The following PAWR variants were observed in gnomAD, a reference collection of about 807,000 sequenced individuals.
The protein encoded by PAWR is pro-apoptotic WT1 regulator.
Under a neutral mutation model 32.0 loss-of-function variants are expected in PAWR, and 23 were observed. That is an observed-to-expected ratio of 0.72 (90% confidence interval 0.52 to 1.02). The LOEUF is 1.02. Ranked by LOEUF, PAWR falls within the 50% of genes least tolerant of loss-of-function variation. PAWR has a pLI of 0.00. For synonymous variants in PAWR, 226 were observed against 187.1 expected, an observed-to-expected ratio of 1.21 and a Z score of -1.70; for missense variants, 457 against 437.7, an observed-to-expected ratio of 1.04 and a Z score of -0.39.
chr12:79,637,263 T>C (rs1730826822), intron 2 of PAWR, among the ~76,000 whole-genome samples: 1 of 152,142 alleles, frequency 6.6e-6, no homozygotes, highest in Non-Finnish European at 1.5e-5. Context: ...CTTTCCAAAA[T>C]GAGTTACTAT....
In PAWR at chr12:79,590,328, A is replaced by C. The variant is rs1333766961; in HGVS notation, c.*2279T>G. ...GCGATTCTCCTGCCTCAGCCTCCTG[A>C]GTAGCCAGGATTACAGGCATGCGCC... On this transcript the variant is annotated 3_prime_UTR_variant, in exon 7 of 7. Transcript: ENST00000328827. 3 of 151,230 alleles carry C rather than the reference A, an allele frequency of 2.0e-5. No homozygotes were observed. The highest frequency in any genetic ancestry group is 4.4e-5 in the Non-Finnish European group (3 of 68,038). The allele number at this position is 151,230 out of a possible 1,614,324, so 9.4% of individuals were successfully genotyped here.
chr12:79,596,934 T>G (rs573101863), intron 4 of PAWR: 29 of 331,910 alleles, frequency 8.7e-5, no homozygotes, highest in African/African-American at 5.3e-4. Flanking sequence ...AAACATGGAC[T>G]CTGCCCTTCA....
chr12:79,662,248 G>A (rs2136825853), intron 2 of PAWR, among the ~76,000 whole-genome samples: 2 of 139,262 alleles, frequency 1.4e-5, no homozygotes, highest in African/African-American at 5.4e-5. Flanking sequence ...AAAAGATCCA[G>A]AACTTTCAGG....
At chr12:79,622,015 TAAAC>T (rs1457155158) in intron 2 of PAWR, among the ~76,000 whole-genome samples, 4 of 149,680 alleles carry the variant, frequency 2.7e-5, no homozygotes, top group Admixed American at 6.6e-5. Flanking sequence ...CAAAAACAAA[TAAAC>T]AAACAAAAAC....
chr12:79,645,498 G>C (rs2136783918), intron 2 of PAWR, among the ~76,000 whole-genome samples: 1 of 152,120 alleles, frequency 6.6e-6, no homozygotes, highest in Admixed American at 6.5e-5. Context: ...GCTGTGTAAG[G>C]GCTAGTATAC....
chr12:79,593,790 C>T (rs1245624338), intron 6 of PAWR, among the ~76,000 whole-genome samples: 2 of 149,668 alleles, frequency 1.3e-5, no homozygotes, highest in African/African-American at 4.9e-5. Context: ...GCAACCTCCG[C>T]CTCCTGGGAT....
At chr12:79,653,447 T>C (rs1272414920) in intron 2 of PAWR, among the ~76,000 whole-genome samples, 2 of 152,182 alleles carry the variant, frequency 1.3e-5, no homozygotes, top group East Asian at 3.9e-4. Flanking sequence ...AATTTCAATT[T>C]TCTTAAATAT....
intron 4 of PAWR, among the ~76,000 whole-genome samples, chr12:79,603,158 G>A (rs1179791354): frequency 6.6e-6 from 1 of 152,032 alleles, no homozygotes; most frequent in Non-Finnish European, 1.5e-5. Flanking sequence ...GGGAGGCTGT[G>A]GTAGGAGGAT....
intron 2 of PAWR, among the ~76,000 whole-genome samples, chr12:79,632,332 T>TTTTTTTTTTTTTTTAGAC (rs1875709192): frequency 4.1e-5 from 2 of 48,774 alleles, no homozygotes; most frequent in Non-Finnish European, 6.1e-5. Context: ...TATATATATA[T>TTTTTTTTTTTTTTTAGAC]ATATATATAT....
intron 2 of PAWR, among the ~76,000 whole-genome samples, chr12:79,673,975 T>C (rs1378730985): frequency 6.6e-6 from 1 of 152,094 alleles, no homozygotes; most frequent in Non-Finnish European, 1.5e-5. Flanking sequence ...ATGGCCACCC[T>C]ACCCAAAGCA....
At chr12:79,597,242 T>G (rs540228828) in intron 4 of PAWR, among the ~76,000 whole-genome samples, 1 of 152,054 alleles carries the variant, frequency 6.6e-6, no homozygotes, top group Admixed American at 6.5e-5. Context: ...TTGTATTTCT[T>G]TTTTCAGAGA....
chr12:79,639,273 C>T (rs1256341971), intron 2 of PAWR, among the ~76,000 whole-genome samples: 1 of 152,020 alleles, frequency 6.6e-6, no homozygotes, highest in Admixed American at 6.6e-5. Flanking sequence ...TTATTTTTAT[C>T]ATTATAAGTT....
At chr12:79,621,779 G>T (rs7305134) in intron 2 of PAWR, among the ~76,000 whole-genome samples, 29,843 of 152,062 alleles carry the variant, frequency 0.2, 7,758 homozygotes, top group African/African-American at 0.59. Flanking sequence ...AATTACACAT[G>T]TAACAGCATA....
chr12:79,607,546 C>G (rs1471562264), intron 4 of PAWR, among the ~76,000 whole-genome samples: 1 of 151,658 alleles, frequency 6.6e-6, no homozygotes, highest in African/African-American at 2.4e-5. Context: ...CTGGGCAACA[C>G]AGAAAAACCC....
chr12:79,637,064 A>G (rs973452351), intron 2 of PAWR, among the ~76,000 whole-genome samples: 4 of 152,232 alleles, frequency 2.6e-5, no homozygotes, highest in African/African-American at 9.6e-5. Flanking sequence ...AACTGCATTT[A>G]TGTACAATAA....
In PAWR at chr12:79,657,655, G is replaced by A. The variant is rs1352537425; in HGVS notation, c.516+32074C>T. ...AAACACACAAAAAAATTAGCTGGGC[G>A]TGGTGGCGGGCGCATGTAGTCCCAG... On this transcript the variant is annotated intron_variant, in intron 2 of 6. Coordinates refer to ENST00000328827, the MANE Select transcript of PAWR (RefSeq NM_002583.4). Among the ~76,000 whole-genome samples the A allele has an allele frequency of 3.3e-5, 5 of 152,062 alleles. No individual in the cohort carries two copies. The South Asian group carries it at 6.2e-4, about 19-fold the overall frequency.
rs372315222 is a variant in PAWR, at chr12:79,592,567, G to C, written c.*40C>G. The C allele has an allele frequency of 3.4e-5, 25 of 743,312 alleles. No individual in the cohort carries two copies. Among genetic ancestry groups the C allele is most frequent in the Non-Finnish European group, 6.1e-5 (25 of 408,918 alleles). The allele number at this position is 743,312 out of a possible 1,614,324, so 46.0% of individuals were successfully genotyped here. On this transcript the variant is annotated 3_prime_UTR_variant, in exon 7 of 7. Transcript: ENST00000328827. ...AGCATTGACCATTAACATTCAATCAGTAGTTTAAAATATTTTTTCCACATT... is the reference window on the plus strand; with the variant it reads ...AGCATTGACCATTAACATTCAATCACTAGTTTAAAATATTTTTTCCACATT...
At chr12:79,638,628 A>C (rs1876082463) in intron 2 of PAWR, among the ~76,000 whole-genome samples, 1 of 151,404 alleles carries the variant, frequency 6.6e-6, no homozygotes, top group South Asian at 2.1e-4. Flanking sequence ...CAATTGTTTC[A>C]ACTATGTACA....
At position 79,683,910 on chromosome 12, in the gene PAWR, T is replaced by G. The variant is rs148682808; in HGVS notation, c.516+5819A>C. ...AAATTGAGGAGATCCTACCATAATT[T>G]CATTTTCTCTGTAAAGTGGGAAAGG... On this transcript the variant is annotated intron_variant, in intron 2 of 6. Transcript: ENST00000328827. Among the ~76,000 whole-genome samples the G allele has an allele frequency of 2.1e-3, 324 of 152,290 alleles. 2 individuals are homozygous for G. Among genetic ancestry groups the G allele is most frequent in the African/African-American group, 7.6e-3 (316 of 41,560 alleles).
Sources: allele counts gnomAD v4.1 joint callset (sites outside exome capture counted in the v4.1 genomes callset), GRCh38; gene constraint gnomAD v4.1.1; transcripts MANE v1.5; gene names NCBI Gene and HGNC (gene_info 2026-07-23, HGNC 2026-07-21).